Variants in KATNAL2 observed in about 807,000 individuals in gnomAD.
KATNAL2 encodes katanin catalytic subunit A1 like 2.
KATNAL2 carries 52 observed loss-of-function variants against 76.3 expected under a neutral mutation model. That is an observed-to-expected ratio of 0.68 (90% CI 0.55 to 0.86). The LOEUF is 0.86. Ranked by LOEUF, KATNAL2 falls within the 40% of genes least tolerant of loss-of-function variation. The pLI is 0.00. For missense variants in KATNAL2, 660 were observed against 668.9 expected (o/e 0.99, Z 0.15); for synonymous variants, 243 against 244.2 (o/e 1.00, Z 0.05).
At chr18:47,089,975 C>T (rs1233494302) in intron 15 of KATNAL2, among the ~76,000 whole-genome samples, 1 of 152,118 alleles carries the variant, frequency 6.6e-6, no homozygotes, top group Non-Finnish European at 1.5e-5. Flanking sequence ...TTTGGTAGAG[C>T]TGGGGTTTCA....
intron 10 of KATNAL2, among the ~76,000 whole-genome samples, chr18:47,064,793 G>C (rs2061739266): frequency 6.6e-6 from 1 of 152,110 alleles, no homozygotes; most frequent in Non-Finnish European, 1.5e-5. Context: ...CCCTGCTCCT[G>C]CTTGAATGCT....
chr18:47,062,382 G>GA lies in KATNAL2; in HGVS notation c.550-578dup, dbSNP rs779449087. Among the ~76,000 whole-genome samples, 1,269 of 136,636 alleles carry GA rather than the reference G, an allele frequency of 9.3e-3. 16 individuals are homozygous for GA. Among genetic ancestry groups the GA allele is most frequent in the African/African-American group, 0.028 (1,059 of 37,336 alleles). The allele number at this position is 136,636 out of a possible 152,430, so 89.6% of individuals were successfully genotyped here. On this transcript the variant is annotated intron_variant, in intron 8 of 17. Coordinates refer to ENST00000683218, the MANE Select transcript of KATNAL2 (RefSeq NM_001387690.1). ...GTGAGATCCTGCCTGTCTCTTAAAGGAAAAAAAAAAAAGGATTAGAAATAA... is the reference window on the plus strand; with the variant it reads ...GTGAGATCCTGCCTGTCTCTTAAAGGAAAAAAAAAAAAAGGATTAGAAATAA...
chr18:47,053,519 A>G (rs1289097885), intron 5 of KATNAL2, among the ~76,000 whole-genome samples: 1 of 152,240 alleles, frequency 6.6e-6, no homozygotes, highest in Non-Finnish European at 1.5e-5. Context: ...TCAATATAAT[A>G]TAAAAACCCA....
chr18:47,042,664 T>C (rs1002208903), intron 3 of KATNAL2, among the ~76,000 whole-genome samples: 1 of 151,968 alleles, frequency 6.6e-6, no homozygotes, highest in Non-Finnish European at 1.5e-5. Context: ...CCAAGGAAAT[T>C]GCTCAGAATA....
At chr18:47,040,032 G>T (rs768013051) in intron 3 of KATNAL2, among the ~76,000 whole-genome samples, 1 of 152,140 alleles carries the variant, frequency 6.6e-6, no homozygotes, top group Non-Finnish European at 1.5e-5. Flanking sequence ...CTTTCTCAAA[G>T]ACTTTTACAT....
Position 47,058,242 on chromosome 18 carries a change from A to C in KATNAL2, c.340A>C (p.Asn114His). ...RSRGKTRRMM[N>H]DSCQNLPKIN... ...CTTTGTTCCCTCCCTTAGGATGATG[A>C]ACGACAGTTGTCAAAATCTTCCCAA... The change falls in exon 7 of 18, where the codon AAC becomes CAC. Residue 114 changes from asparagine (N) to histidine (H), a missense_variant. Physicochemically the swap from Asn to His is moderately conservative, Grantham distance 68. Coordinates refer to ENST00000683218, the MANE Select transcript of KATNAL2 (RefSeq NM_001387690.1). 1 of 1,611,878 alleles carries C rather than the reference A, an allele frequency of 6.2e-7. No homozygotes were observed. The highest frequency in any genetic ancestry group is 8.5e-7 in the Non-Finnish European group (1 of 1,177,906).
At chr18:47,072,507 A>ACTATCACAGCTGACTG (rs2062042780) in intron 13 of KATNAL2, among the ~76,000 whole-genome samples, 2 of 152,180 alleles carry the variant, frequency 1.3e-5, no homozygotes, top group South Asian at 4.1e-4. Flanking sequence ...GTGCAGTGGC[A>ACTATCACAGCTGACTG]CTATCACAGC....
At chr18:47,035,099 G>A in intron 3 of KATNAL2, 2 of 1,611,152 alleles carry the variant, frequency 1.2e-6, no homozygotes, top group Non-Finnish European at 1.7e-6. Context: ...TGCTTCCGCA[G>A]GCGCTTCACC....
chr18:47,101,070 G>A lies in KATNAL2; in HGVS notation c.*65G>A, dbSNP rs1255171207. On this transcript the variant is annotated 3_prime_UTR_variant, in exon 18 of 18. Coordinates refer to ENST00000683218, the MANE Select transcript of KATNAL2 (RefSeq NM_001387690.1). ...AAGACCTCCTAGTTTATTAATGTCC[G>A]TGGGAGAACAAAATGATTGGAATGG... The A allele has an allele frequency of 3.2e-5, 49 of 1,552,102 alleles. No individual in the cohort carries two copies. Among genetic ancestry groups the A allele is most frequent in the Middle Eastern group, 1.7e-4 (1 of 5,806 alleles).
Position 47,053,019 on chromosome 18 carries a change from A to C in KATNAL2, c.262A>C (p.Lys88Gln), listed in dbSNP as rs369016346. ...YYFVKFQKYP[K>Q]IVKKSSDTAE... is the part of the protein sequence containing the mutation. ...TTTTGTAAAATTTCAGAAATACCCCAAAATTGTCAAAAAGTCATCAGACAC... is the reference window on the plus strand; with the variant it reads ...TTTTGTAAAATTTCAGAAATACCCCCAAATTGTCAAAAAGTCATCAGACAC... Residue 88 changes from lysine (K) to glutamine (Q), a missense_variant, in exon 5 of 18, where the codon AAA becomes CAA. Transcript: ENST00000683218. 1.9e-6 allele frequency: 3 copies of C among 1,605,892 alleles called. No homozygotes were observed. The Admixed American group carries it at 5.1e-5, about 27-fold the overall frequency.
chr18:46,957,919 A>G (rs988871968), intron 3 of KATNAL2, among the ~76,000 whole-genome samples: 5 of 151,326 alleles, frequency 3.3e-5, no homozygotes, highest in Admixed American at 6.6e-5. Context: ...GATGGTCTCC[A>G]TCTCCTGACC....
chr18:47,073,773 G>A (rs1170107150), intron 13 of KATNAL2, among the ~76,000 whole-genome samples: 1 of 152,166 alleles, frequency 6.6e-6, no homozygotes, highest in Non-Finnish European at 1.5e-5. Context: ...CCAGTTGTAT[G>A]ATTTAACTTC....
intron 1 of KATNAL2, among the ~76,000 whole-genome samples, chr18:46,940,537 T>A (rs2059217698): frequency 6.6e-6 from 1 of 152,178 alleles, no homozygotes; most frequent in African/African-American, 2.4e-5. Context: ...AGAGATGGCT[T>A]GTAGTTGACT....
intron 3 of KATNAL2, among the ~76,000 whole-genome samples, chr18:47,031,919 G>T (rs1010296024): frequency 6.6e-6 from 1 of 152,006 alleles, no homozygotes; most frequent in African/African-American, 2.4e-5. Context: ...TCTGGCATAC[G>T]TTCCTTTGAT....
In KATNAL2 at chr18:47,100,484, T is replaced by G; in HGVS notation, c.1477+128T>G. 3 of 712,920 alleles carry G rather than the reference T, an allele frequency of 4.2e-6. No individual in the cohort carries two copies. In the South Asian group the frequency reaches 5.4e-5, roughly 13 times the overall value. 44.2% of individuals were successfully genotyped at this position (712,920 alleles called of 1,614,324 possible). The stretch of plus-strand genomic sequence containing the variant: ...GGCAATGCGTTTTTTGGTCAAATCA[T>G]CCCTCACTCAACTCATTCCTCCGTG... On this transcript the variant is annotated intron_variant, in intron 17 of 17. Coordinates refer to ENST00000683218, the MANE Select transcript of KATNAL2 (RefSeq NM_001387690.1).
rs559324925 is a variant in KATNAL2 at position 46,948,843 on chromosome 18, A to T, written c.51+1920A>T. ...TAAAATATGGGTAGGACAATGGATCAACTGATTACTTGACATATCTACTGG... is the reference window on the plus strand; with the variant it reads ...TAAAATATGGGTAGGACAATGGATCTACTGATTACTTGACATATCTACTGG... On this transcript the variant is annotated intron_variant, in intron 3 of 17. Coordinates refer to ENST00000683218, the MANE Select transcript of KATNAL2 (RefSeq NM_001387690.1). Among the ~76,000 whole-genome samples the T allele has an allele frequency of 2.6e-5, 4 of 152,020 alleles. No individual in the cohort carries two copies. In the East Asian group the frequency reaches 7.8e-4, roughly 29 times the overall value.
intron 3 of KATNAL2, among the ~76,000 whole-genome samples, chr18:46,954,132 C>T (rs192551020): frequency 5.9e-4 from 90 of 151,478 alleles, no homozygotes; most frequent in African/African-American, 2.1e-3. Flanking sequence ...CGTCTTCTGC[C>T]TGGGTAGGGG....
At chr18:47,033,300 T>G (rs1012676530) in intron 3 of KATNAL2, 1 of 1,613,602 alleles carries the variant, frequency 6.2e-7, no homozygotes, top group Non-Finnish European at 8.5e-7. Flanking sequence ...CTTGCCTCCT[T>G]GAAGTATCAT....
intron 3 of KATNAL2, among the ~76,000 whole-genome samples, chr18:46,949,956 A>G (rs1264750864): frequency 1.3e-5 from 2 of 152,018 alleles, no homozygotes; most frequent in Non-Finnish European, 2.9e-5. Flanking sequence ...ATGCCTTTCC[A>G]TTACACTTGG....
Sources: gnomAD v4.1 joint callset for allele counts (sites outside exome capture counted in the v4.1 genomes callset) on GRCh38, gnomAD v4.1.1 for gene constraint, MANE v1.5 for transcripts, NCBI Gene and HGNC (gene_info 2026-07-23, HGNC 2026-07-21) for gene names.